The following DOCK2 variants were observed in gnomAD, a reference collection of about 807,000 sequenced individuals.
DOCK2 encodes the protein dedicator of cytokinesis 2.
In DOCK2, 87 loss-of-function variants were observed where a neutral mutation model predicts 248.9. That is an observed-to-expected ratio of 0.35 (90% CI 0.29 to 0.42). The LOEUF is 0.42. Ranked by LOEUF, DOCK2 falls within the 10% of genes least tolerant of loss-of-function variation. The pLI, the probability that DOCK2 is intolerant of heterozygous loss-of-function variation, is 1.00. For synonymous variants in DOCK2, 805 were observed against 821.6 expected (o/e 0.98, Z 0.35); for missense variants, 1,747 against 2,300.2 (o/e 0.76, Z 4.92).
At chr5:170,036,192 G>C (rs921274962) in intron 35 of DOCK2, among the ~76,000 whole-genome samples, 1 of 150,598 alleles carries the variant, frequency 6.6e-6, no homozygotes, top group Non-Finnish European at 1.5e-5. Context: ...CCTGGTTAAA[G>C]TAGACTACCC....
chr5:169,713,801 T>C (rs778372297), intron 17 of DOCK2, among the ~76,000 whole-genome samples: 1 of 152,234 alleles, frequency 6.6e-6, no homozygotes, highest in Non-Finnish European at 1.5e-5. Context: ...TCACAGAGCT[T>C]TCACCTGGTG....
intron 27 of DOCK2, among the ~76,000 whole-genome samples, chr5:169,943,787 C>T (rs933318608): frequency 2.6e-5 from 4 of 152,158 alleles, no homozygotes; most frequent in Admixed American, 6.5e-5. Context: ...CGGTAGGGTC[C>T]AGGGACCTGT....
intron 22 of DOCK2, among the ~76,000 whole-genome samples, chr5:169,738,123 GA>G (rs780939861): frequency 1.2e-4 from 19 of 152,190 alleles, no homozygotes; most frequent in Non-Finnish European, 2.8e-4. Context: ...TGGTGGTGGG[GA>G]TAGACTCTCG....
At chr5:169,987,127 A>C (rs887621922) in intron 29 of DOCK2, among the ~76,000 whole-genome samples, 2 of 152,132 alleles carry the variant, frequency 1.3e-5, no homozygotes, top group Non-Finnish European at 2.9e-5. Flanking sequence ...TTTTCTATTT[A>C]CTTGATTCTC....
At chr5:169,941,792 A>C (rs1776255991) in intron 27 of DOCK2, among the ~76,000 whole-genome samples, 1 of 152,180 alleles carries the variant, frequency 6.6e-6, no homozygotes, top group Admixed American at 6.5e-5. Context: ...GCTTTCTTGC[A>C]TTGCAGGGAT....
intron 25 of DOCK2, among the ~76,000 whole-genome samples, chr5:169,773,443 A>G (rs1386122086): frequency 3.3e-5 from 4 of 120,250 alleles, no homozygotes; most frequent in Non-Finnish European, 7.4e-5. Flanking sequence ...AACTCAATAA[A>G]CTCTTCGTGT....
intron 27 of DOCK2, among the ~76,000 whole-genome samples, chr5:169,937,354 T>C (rs543518950): frequency 6.4e-4 from 97 of 152,350 alleles, no homozygotes; most frequent in African/African-American, 2.3e-3. Context: ...GTTCCCTGGG[T>C]GTGCAACCTT....
chr5:169,708,253 A>T lies in DOCK2; in HGVS notation c.1468A>T (p.Met490Leu), dbSNP rs1330674491. Residue 490 changes from methionine to leucine, a missense_variant, in exon 15 of 52, where the codon ATG (methionine) becomes TTG (leucine). Physicochemically the swap from Met to Leu is conservative, Grantham distance 15. Coordinates refer to ENST00000520908, the MANE Select transcript of DOCK2 (RefSeq NM_004946.3). ...CTATCAAGTCAAACAGCCACGCTGG[A>T]TGGAAACAGTCAAGGTAATAATTAA... Reference protein sequence around the residue: ...VYYQVKQPRWMETVKVAVPIE... With the variant: ...VYYQVKQPRWLETVKVAVPIE... The T allele has an allele frequency of 6.2e-7, 1 of 1,613,798 alleles. No homozygotes were observed.
intron 1 of DOCK2, among the ~76,000 whole-genome samples, chr5:169,645,633 A>G (rs1322758144): frequency 1.3e-5 from 2 of 151,922 alleles, no homozygotes; most frequent in African/African-American, 4.8e-5. Flanking sequence ...ATTAGATCCC[A>G]TTTGTTAATT....
intron 23 of DOCK2, among the ~76,000 whole-genome samples, chr5:169,748,984 G>T (rs577406810): frequency 6.6e-6 from 1 of 152,300 alleles, no homozygotes; most frequent in South Asian, 2.1e-4. Flanking sequence ...ACATCTCTCT[G>T]GTCAAAAGCC....
chr5:169,670,930 A>G, intron 4 of DOCK2, 148 bp from the exon 5 acceptor site: 1 of 652,796 alleles, frequency 1.5e-6, no homozygotes, highest in Non-Finnish European at 2.7e-6. Flanking sequence ...GTATTTGCAT[A>G]ATGTAGTTGG....
chr5:169,847,315 G>A (rs563579192), intron 27 of DOCK2, among the ~76,000 whole-genome samples: 1 of 152,332 alleles, frequency 6.6e-6, no homozygotes, highest in African/African-American at 2.4e-5. Flanking sequence ...CCCACCAGCA[G>A]TGTATAAATG....
chr5:169,835,050 T>TG (rs367710999), intron 26 of DOCK2, among the ~76,000 whole-genome samples: 252 of 151,826 alleles, frequency 1.7e-3, no homozygotes, highest in Admixed American at 2.9e-3. Flanking sequence ...TTTTTTTTGG[T>TG]GGGGGGGTGG....
At chr5:169,939,865 C>T (rs1009234389) in intron 27 of DOCK2, among the ~76,000 whole-genome samples, 2 of 152,098 alleles carry the variant, frequency 1.3e-5, no homozygotes, top group East Asian at 3.8e-4. Context: ...GGTACTTTGC[C>T]CTCTTCAGCT....
At chr5:169,864,226 C>T (rs1771390219) in intron 27 of DOCK2, 1 of 1,485,532 alleles carries the variant, frequency 6.7e-7, no homozygotes, top group African/African-American at 1.4e-5. Context: ...TTTCCCATCT[C>T]AGGGAAGTGC....
chr5:169,814,410 A>C (rs755668793), intron 26 of DOCK2, among the ~76,000 whole-genome samples: 33 of 152,326 alleles, frequency 2.2e-4, no homozygotes, highest in Middle Eastern at 3.4e-3. Flanking sequence ...AGACTGTGGC[A>C]CTCTCACAGA....
chr5:170,065,977 A>G (rs1757478497), intron 44 of DOCK2, among the ~76,000 whole-genome samples: 1 of 144,028 alleles, frequency 6.9e-6, no homozygotes. Context: ...TTTGAGACAG[A>G]GTCTCGCTCT....
intron 27 of DOCK2, among the ~76,000 whole-genome samples, chr5:169,905,292 TG>T (rs893581729): frequency 2.1e-5 from 1 of 47,774 alleles, no homozygotes; most frequent in Non-Finnish European, 3.6e-5. Flanking sequence ...TTAGAGCCAG[TG>T]TTTTTTTTTT....
At chr5:169,637,729 A>G (rs1000549787) in intron 1 of DOCK2, among the ~76,000 whole-genome samples, 6 of 151,422 alleles carry the variant, frequency 4.0e-5, no homozygotes, top group Non-Finnish European at 5.9e-5. Flanking sequence ...AGGGAGCTCC[A>G]CTCTCCCCTG....
Sources: allele counts gnomAD v4.1 joint callset (sites outside exome capture counted in the v4.1 genomes callset), GRCh38; gene constraint gnomAD v4.1.1; transcripts MANE v1.5; gene names NCBI Gene and HGNC (gene_info 2026-07-23, HGNC 2026-07-21).